The following RHOA variants were observed in gnomAD, a reference collection of about 807,000 sequenced individuals.
The protein encoded by RHOA is ras homolog family member A, also known as transforming protein RhoA.
Under a neutral mutation model 17.5 loss-of-function variants are expected in RHOA, and 3 were observed. The observed-to-expected ratio is 0.17, with a 90% CI of 0.08 to 0.44. RHOA has a LOEUF of 0.44. Among genes scored for constraint, RHOA ranks in the 20% least tolerant of loss-of-function variants. The pLI, the probability that RHOA is intolerant of heterozygous loss-of-function variation, is 0.99. For missense variants in RHOA, 56 were observed against 242.3 expected, an observed-to-expected ratio of 0.23 and a Z score of 5.10; for synonymous variants, 98 against 88.4, an observed-to-expected ratio of 1.11 and a Z score of -0.61.
intron 1 of RHOA, among the ~76,000 whole-genome samples, chr3:49,405,257 C>CG (rs2048811744): frequency 1.8e-5 from 2 of 110,020 alleles, no homozygotes; most frequent in South Asian, 6.9e-4. Context: ...GACTGTGTCT[C>CG]AAAAAAAAAA....
chr3:49,401,125 T>C (rs1373505443), intron 1 of RHOA, among the ~76,000 whole-genome samples: 2 of 149,880 alleles, frequency 1.3e-5, no homozygotes, highest in Non-Finnish European at 3.0e-5. Context: ...TATTAGACAC[T>C]AGGGCCTTCA....
intron 1 of RHOA, among the ~76,000 whole-genome samples, chr3:49,404,457 C>CACACACACACACACACACAAAA (rs1447646944): frequency 2.2e-4 from 33 of 146,984 alleles, no homozygotes; most frequent in African/African-American, 8.3e-4. Flanking sequence ...CACACACACA[C>CACACACACACACACACACAAAA]AAAATTAGCC....
intron 3 of RHOA, among the ~76,000 whole-genome samples, chr3:49,367,157 G>A (rs997331625): frequency 4.6e-5 from 7 of 151,648 alleles, no homozygotes; most frequent in African/African-American, 1.5e-4. Context: ...CCTGGCTAAC[G>A]TGGTGAAATC....
intron 1 of RHOA, among the ~76,000 whole-genome samples, chr3:49,398,341 A>C (rs2107893779): frequency 6.6e-6 from 1 of 152,160 alleles, no homozygotes; most frequent in African/African-American, 2.4e-5. Context: ...TAACAGAGCA[A>C]GACTTTGTCA....
At chr3:49,394,027 C>T (rs1385374539) in intron 1 of RHOA, among the ~76,000 whole-genome samples, 2 of 151,908 alleles carry the variant, frequency 1.3e-5, no homozygotes, top group African/African-American at 4.8e-5. Context: ...CCCGCCAACA[C>T]GCCTGGCTAA....
chr3:49,361,081 C>CAAAAAAAAAAAAAAA, intron 4 of RHOA: 1 of 150,174 alleles, frequency 6.7e-6, no homozygotes, highest in Non-Finnish European at 1.5e-5. Flanking sequence ...TCAAAAAAAA[C>CAAAAAAAAAAAAAAA]AAAACAAAAA....
chr3:49,383,057 CAGAAAAAAAAAA>C lies in RHOA; in HGVS notation c.-2-7478_-2-7467del, dbSNP rs552605554. ...CGACAAGAGCAAAACTCCATCGTAT[CAGAAAAAAAAAA>C]AGAAAAAGAAAAAGAAAAGGCTGCC... On this transcript the variant is annotated intron_variant, in intron 1 of 4. Transcript: ENST00000418115. 5.0e-3 allele frequency among the ~76,000 whole-genome samples: 728 copies of C among 145,400 alleles called. 9 individuals carry two copies. The highest frequency in any genetic ancestry group is 0.016 in the African/African-American group (645 of 39,398).
At chr3:49,367,341 T>TAAAAAAAAAAAA (rs2048072468) in intron 3 of RHOA, among the ~76,000 whole-genome samples, 1 of 16,726 alleles carries the variant, frequency 6.0e-5, no homozygotes, top group African/African-American at 2.1e-4. Flanking sequence ...AGACTCCCTC[T>TAAAAAAAAAAAA]CAAAAAAAAA....
At chr3:49,393,674 CTCTG>C (rs1297566132) in intron 1 of RHOA, among the ~76,000 whole-genome samples, 36 of 4,346 alleles carry the variant, frequency 8.3e-3, no homozygotes, top group African/African-American at 0.026. Context: ...CAAATTCTCT[CTCTG>C]TGTGTGTGTG....
At chr3:49,393,421 C>T (rs1436960795) in intron 1 of RHOA, among the ~76,000 whole-genome samples, 1 of 151,654 alleles carries the variant, frequency 6.6e-6, no homozygotes, top group Non-Finnish European at 1.5e-5. Flanking sequence ...GTTCTCCCAC[C>T]TCAGTATCCC....
intron 2 of RHOA, among the ~76,000 whole-genome samples, chr3:49,372,602 C>T (rs182813832): frequency 1.2e-4 from 18 of 152,070 alleles, no homozygotes; most frequent in African/African-American, 4.1e-4. Flanking sequence ...GGCGTGGTGG[C>T]GGGCGCCTGT....
intron 1 of RHOA, among the ~76,000 whole-genome samples, chr3:49,387,729 A>G (rs557517189): frequency 7.0e-6 from 1 of 142,004 alleles, no homozygotes; most frequent in African/African-American, 2.6e-5. Flanking sequence ...ACAGAGCGAG[A>G]CTCCAGGTCT....
intron 1 of RHOA, among the ~76,000 whole-genome samples, chr3:49,398,105 A>G (rs576084060): frequency 1.3e-5 from 2 of 152,294 alleles, no homozygotes; most frequent in African/African-American, 4.8e-5. Flanking sequence ...TCACACCTAT[A>G]GTCCCAGCAC....
At chr3:49,361,086 CA>C (rs749506733) in intron 4 of RHOA, 332 of 126,770 alleles carry the variant, frequency 2.6e-3, no homozygotes, top group South Asian at 0.018. Flanking sequence ...AAAAACAAAA[CA>C]AAAAAAAAAA....
chr3:49,401,528 A>G (rs889040810), intron 1 of RHOA, among the ~76,000 whole-genome samples: 2 of 148,720 alleles, frequency 1.3e-5, no homozygotes, highest in Non-Finnish European at 3.0e-5. Flanking sequence ...ACTGCACTCC[A>G]GCCTGGGCGA....
chr3:49,361,451 T>C (rs1304550535), intron 4 of RHOA, among the ~76,000 whole-genome samples: 2 of 152,182 alleles, frequency 1.3e-5, no homozygotes, highest in African/African-American at 4.8e-5. Context: ...TAAAAAGGCA[T>C]TGGGAGTGGA....
chr3:49,393,111 G>A (rs956011297), intron 1 of RHOA, among the ~76,000 whole-genome samples: 3 of 152,090 alleles, frequency 2.0e-5, no homozygotes, highest in African/African-American at 4.8e-5. Context: ...GGGAGGCGGA[G>A]GCTGCAGTGA....
chr3:49,378,518 G>A (rs957554115), intron 1 of RHOA, among the ~76,000 whole-genome samples: 2 of 151,814 alleles, frequency 1.3e-5, no homozygotes, highest in Non-Finnish European at 2.9e-5. Context: ...CAGTGCTGAG[G>A]GATTACAGGC....
intron 1 of RHOA, among the ~76,000 whole-genome samples, chr3:49,379,920 A>G (rs1025840203): frequency 2.6e-5 from 4 of 152,254 alleles, no homozygotes; most frequent in Non-Finnish European, 4.4e-5. Flanking sequence ...GGGGGAAAAA[A>G]GAGAGAAATC....
Sources: gnomAD v4.1 joint callset for allele counts (sites outside exome capture counted in the v4.1 genomes callset) on GRCh38, gnomAD v4.1.1 for gene constraint, MANE v1.5 for transcripts, NCBI Gene and HGNC (gene_info 2026-07-23, HGNC 2026-07-21) for gene names.